Variants in SMC2 observed in about 807,000 individuals in gnomAD.
SMC2 encodes structural maintenance of chromosomes 2, also known as structural maintenance of chromosomes protein 2.
A neutral mutation model predicts 142.6 loss-of-function variants in SMC2; 41 were observed. The observed-to-expected ratio is 0.29, with a 90% CI of 0.22 to 0.37. The LOEUF is 0.37. SMC2 is among the 10% of genes least tolerant of loss of function. SMC2 has a pLI of 1.00. For synonymous variants in SMC2, 463 were observed against 457.5 expected (o/e 1.01, Z -0.15); for missense variants, 1,265 against 1,373.7 (o/e 0.92, Z 1.25).
upstream of SMC2, chr9:104,092,926 T>C (rs568655739): frequency 6.6e-6 from 1 of 152,188 alleles, no homozygotes; most frequent in South Asian, 2.1e-4. Context: ...TCTTGGGAAG[T>C]GAGGAATGGG....
In SMC2 at chr9:104,116,559, AT is replaced by A. The variant is rs1169283215; in HGVS notation, c.1791+241del. 1.1e-4 allele frequency among the ~76,000 whole-genome samples: 3 copies of A among 28,354 alleles called. No homozygotes were observed. In the African/African-American group the frequency reaches 1.1e-3, roughly 11 times the overall value. The allele number at this position is 28,354 out of a possible 152,430, so 18.6% of individuals were successfully genotyped here. ...CTTTTTAACCTTAAGTCACATGACTATCAATCAGGTGATGGTGAAAATTACA... is the reference window on the plus strand; with the variant it reads ...CTTTTTAACCTTAAGTCACATGACTACAATCAGGTGATGGTGAAAATTACA... On this transcript the variant is annotated intron_variant, in intron 14 of 24. Transcript: ENST00000374793.
chr9:104,118,310 G>A lies in SMC2; in HGVS notation c.1931G>A (p.Arg644Lys), dbSNP rs1833356997. 5.6e-6 allele frequency: 9 copies of A among 1,613,512 alleles called. No homozygotes were observed. The highest frequency in any genetic ancestry group is 2.7e-5 in the African/African-American group (2 of 74,966). Residue 644 changes from arginine (R) to lysine (K), a missense_variant, in exon 15 of 25, where the codon AGG becomes AAG. By Grantham distance (26) the Arg-to-Lys change is conservative (BLOSUM62 2). Transcript: ENST00000374793. ...DNAKKVAFDK[R>K]IMTRTVTLGG... ...GCCAAAAAAGTGGCCTTTGATAAGA[G>A]GATAATGACTAGAACTGTAACTCTC...
At chr9:104,116,861 G>A (rs1460874295) in intron 14 of SMC2, among the ~76,000 whole-genome samples, 1 of 152,134 alleles carries the variant, frequency 6.6e-6, no homozygotes, top group Non-Finnish European at 1.5e-5. Context: ...AAATAGATTA[G>A]TACAAGGAAA....
chr9:104,101,122 A>G (rs1587897781), intron 7 of SMC2, among the ~76,000 whole-genome samples: 1 of 151,946 alleles, frequency 6.6e-6, no homozygotes, highest in Admixed American at 6.6e-5. Flanking sequence ...TTTTGTAGAG[A>G]CAGGGTTTCT....
upstream of SMC2, among the ~76,000 whole-genome samples, chr9:104,091,185 C>G (rs922862890): frequency 1.3e-5 from 2 of 152,156 alleles, no homozygotes; most frequent in Non-Finnish European, 2.9e-5. Context: ...TTCTGAGAAA[C>G]GCCTCATTAG....
At chr9:104,108,030 A>G (rs1453977295) in intron 9 of SMC2, among the ~76,000 whole-genome samples, 1 of 152,178 alleles carries the variant, frequency 6.6e-6, no homozygotes, top group Admixed American at 6.5e-5. Flanking sequence ...CTGCACCACA[A>G]GCAACCAAAC....
At chr9:104,102,349 A>G (rs1831246148) in intron 8 of SMC2, 75 bp from the exon 9 acceptor site, 1 of 1,372,576 alleles carries the variant, frequency 7.3e-7, no homozygotes, top group African/African-American at 1.5e-5. Flanking sequence ...AGTGTTTGAT[A>G]CAGAACTCAT....
At position 104,101,973 on chromosome 9, in the gene SMC2, A is replaced by G. The variant is rs143564986; in HGVS notation, c.650A>G (p.Tyr217Cys). The stretch of plus-strand genomic sequence containing the variant: ...TTTCTCTTTCAGGAAAGATCGTCCT[A>G]CTTGGAGTACCAAAAAGTAATGAGA... ...IQKLKEERSS[Y>C]LEYQKVMREI... Residue 217 changes from tyrosine (Y) to cysteine (C), a missense_variant, in exon 8 of 25, where the codon TAC becomes TGC. Transcript: ENST00000374793. 2.0e-4 allele frequency: 313 copies of G among 1,590,994 alleles called. 4 individuals are homozygous for G. The South Asian group carries it at 2.7e-3, about 14-fold the overall frequency.
chr9:104,121,232 C>T (rs139019030), intron 16 of SMC2, among the ~76,000 whole-genome samples: 10 of 152,270 alleles, frequency 6.6e-5, no homozygotes, highest in African/African-American at 2.4e-4. Context: ...GTGGTGCACA[C>T]CTGTAATCGC....
chr9:104,120,187 A>T lies in SMC2; in HGVS notation c.2132+25A>T, dbSNP rs7870437. The T allele has an allele frequency of 0.017, 25,823 of 1,555,804 alleles. 1,298 individuals carry two copies. The African/African-American group carries it at 0.18, about 11-fold the overall frequency. On this transcript the variant is annotated intron_variant, in intron 16 of 24. Transcript: ENST00000374793. ...AGTAAGAACTGCATATACTTTTTTT[A>T]ATTAAAGATTTGCATAGTAGAAAAT... is the stretch of plus-strand genomic sequence containing the variant.
intron 22 of SMC2, 148 bp downstream of exon 22, chr9:104,132,273 G>A (rs1835063096): frequency 1.9e-6 from 1 of 539,576 alleles, no homozygotes; most frequent in Non-Finnish European, 3.3e-6. Context: ...ACTTTTAAAT[G>A]CATTTTTTTC....
At chr9:104,093,726 C>A (rs1036396425), upstream of SMC2, among the ~76,000 whole-genome samples, 9 of 152,306 alleles carry the variant, frequency 5.9e-5, no homozygotes, top group Admixed American at 3.3e-4. Flanking sequence ...GACGTGGAAA[C>A]TTCAGATAAA....
At chr9:104,120,341 G>C (rs1833592895) in intron 16 of SMC2, among the ~76,000 whole-genome samples, 179 bp downstream of exon 16, 1 of 152,052 alleles carries the variant, frequency 6.6e-6, no homozygotes, top group Non-Finnish European at 1.5e-5. Context: ...TCTCATAAGA[G>C]AGATGTCTTT....
intron 15 of SMC2, 27 bp downstream of exon 15, chr9:104,118,402 C>A: frequency 6.4e-7 from 1 of 1,572,882 alleles, no homozygotes; most frequent in Non-Finnish European, 8.7e-7. Context: ...TTTCTCCTCA[C>A]AATTCTTTGT....
At chr9:104,098,106 G>A (rs552776713) in intron 3 of SMC2, among the ~76,000 whole-genome samples, 246 of 152,286 alleles carry the variant, frequency 1.6e-3, no homozygotes, top group African/African-American at 5.5e-3. Flanking sequence ...AAAGCCTCTA[G>A]AAAAATTACA....
At chr9:104,109,951 G>T (rs182486812) in intron 9 of SMC2, among the ~76,000 whole-genome samples, 1 of 152,260 alleles carries the variant, frequency 6.6e-6, no homozygotes, top group East Asian at 1.9e-4. Context: ...AATGATAACT[G>T]CATAAAACTA....
chr9:104,124,197 C>T (rs1437971533), intron 17 of SMC2, among the ~76,000 whole-genome samples: 1 of 152,140 alleles, frequency 6.6e-6, no homozygotes, highest in Non-Finnish European at 1.5e-5. Context: ...GTTCAGGTGC[C>T]TTCCTCAGCC....
rs1836031667 is a variant in SMC2, at chr9:104,141,400, GAATA to G, written c.*2089_*2092del. On this transcript the variant is annotated 3_prime_UTR_variant, in exon 25 of 25. Coordinates refer to ENST00000374793, the MANE Select transcript of SMC2 (RefSeq NM_006444.3). Reference sequence around the variant, plus strand: ...CTTGAACATTTGTATTTATTGTACAGAATAAATTTAAGAAAAATACCTGTATGAG... The same window carrying G: ...CTTGAACATTTGTATTTATTGTACAGAATTTAAGAAAAATACCTGTATGAG... 6.6e-6 allele frequency: 1 copy of G among 152,118 alleles called. No individual in the cohort carries two copies. The highest frequency in any genetic ancestry group is 2.4e-5 in the African/African-American group (1 of 41,432). 9.4% of individuals were successfully genotyped at this position (152,118 alleles called of 1,614,324 possible).
chr9:104,099,645 G>A lies in SMC2; in HGVS notation c.443G>A (p.Gly148Asp). 1 of 1,568,338 alleles carries A rather than the reference G, an allele frequency of 6.4e-7. No homozygotes were observed. The change falls in exon 5 of 25, where the codon GGC (glycine) becomes GAC (aspartate). Residue 148 changes from glycine (G) to aspartate (D), a missense_variant and splice_region_variant. Gly to Asp is a moderately conservative substitution (Grantham distance 94). This residue lies in a region of SMC2 where 168 missense variants were observed against 184.8 expected (regional missense o/e 0.91). Transcript: ENST00000374793. ...VNNPHFLIMQ[G>D]RITKVLNMKP... ...GTAAGTTTGCTATTTTATTTTCAGG[G>A]CCGAATTACAAAAGTATTGAATATG...
Sources: gnomAD v4.1 joint callset for allele counts (sites outside exome capture counted in the v4.1 genomes callset) on GRCh38, gnomAD v4.1.1 for gene constraint, gnomAD v4.1.1 regional missense constraint, MANE v1.5 for transcripts, NCBI Gene and HGNC (gene_info 2026-07-23, HGNC 2026-07-21) for gene names.